Variants in CATSPER3 observed in about 807,000 individuals in gnomAD.
The protein encoded by CATSPER3 is cation channel sperm-associated protein 3.
Under a neutral mutation model 36.6 loss-of-function variants are expected in CATSPER3, and 23 were observed. The ratio of observed to expected loss-of-function variants is 0.63; its 90% CI spans 0.45 to 0.89. The LOEUF is 0.89. Among genes scored for constraint, CATSPER3 ranks in the 40% least tolerant of loss-of-function variants. The pLI is 0.00. For synonymous variants in CATSPER3, 172 were observed against 184.1 expected (o/e 0.93, Z 0.53); for missense variants, 474 against 503.9 (o/e 0.94, Z 0.57).
At chr5:134,977,142 C>G (rs1256421952) in intron 2 of CATSPER3, among the ~76,000 whole-genome samples, 7 of 152,210 alleles carry the variant, frequency 4.6e-5, no homozygotes, top group Admixed American at 1.3e-4. Flanking sequence ...TCTAGCAAGT[C>G]ATTGCTTCAT....
At chr5:134,986,057 T>A (rs1180900583) in intron 2 of CATSPER3, among the ~76,000 whole-genome samples, 1 of 151,920 alleles carries the variant, frequency 6.6e-6, no homozygotes, top group Admixed American at 6.6e-5. Context: ...ATACATAAAA[T>A]TAGACAAAGT....
chr5:134,977,555 C>T (rs1182243670), intron 2 of CATSPER3, among the ~76,000 whole-genome samples: 2 of 152,156 alleles, frequency 1.3e-5, no homozygotes, highest in Non-Finnish European at 2.9e-5. Flanking sequence ...TTGGTCACAA[C>T]CATTTAACCA....
At chr5:135,002,072 A>G (rs1043242045) in intron 3 of CATSPER3, among the ~76,000 whole-genome samples, 1 of 151,272 alleles carries the variant, frequency 6.6e-6, no homozygotes, top group African/African-American at 2.4e-5. Context: ...GGTCTTTACA[A>G]TTTGGCATGT....
chr5:135,011,117 C>T (rs924042841), intron 7 of CATSPER3, among the ~76,000 whole-genome samples: 1 of 152,206 alleles, frequency 6.6e-6, no homozygotes, highest in Non-Finnish European at 1.5e-5. Context: ...TAGGGAGCTA[C>T]AGTGGACTCT....
At chr5:134,995,044 C>T (rs1311560446) in intron 2 of CATSPER3, among the ~76,000 whole-genome samples, 1 of 151,122 alleles carries the variant, frequency 6.6e-6, no homozygotes, top group Non-Finnish European at 1.5e-5. Flanking sequence ...TCCTTCCTTC[C>T]AATACATATT....
chr5:135,004,822 G>C (rs1752065111), intron 3 of CATSPER3, among the ~76,000 whole-genome samples: 1 of 152,152 alleles, frequency 6.6e-6, no homozygotes. Context: ...CTGTGCCTGT[G>C]AAAACAGGGG....
At chr5:134,999,141 G>A (rs1336367259) in intron 3 of CATSPER3, among the ~76,000 whole-genome samples, 3 of 152,044 alleles carry the variant, frequency 2.0e-5, no homozygotes. Context: ...TGGCTAGCCA[G>A]TTTTCCCAGC....
chr5:134,989,485 C>T (rs958247841), intron 2 of CATSPER3, among the ~76,000 whole-genome samples: 3 of 152,214 alleles, frequency 2.0e-5, no homozygotes, highest in South Asian at 2.1e-4. Context: ...CGGGATAAGG[C>T]GTTGCAGCTT....
At chr5:135,000,697 T>A (rs1334903741) in intron 3 of CATSPER3, among the ~76,000 whole-genome samples, 1 of 152,228 alleles carries the variant, frequency 6.6e-6, no homozygotes, top group African/African-American at 2.4e-5. Context: ...GATTTTCTAG[T>A]TTATTTGTGT....
rs763721135 is a variant in CATSPER3, at chr5:134,968,100, T to C, written c.98+11T>C. On this transcript the variant is annotated intron_variant, in intron 1 of 7. Coordinates refer to ENST00000282611, the MANE Select transcript of CATSPER3 (RefSeq NM_178019.3). ...ATTCAAGAAATTTAAGTAAATATTA[T>C]CTATCTCCATTGCCTGTTAAGAAAT... is the stretch of plus-strand genomic sequence containing the variant. 3.9e-6 allele frequency: 6 copies of C among 1,551,808 alleles called. No individual in the cohort carries two copies. The African/African-American group carries it at 4.1e-5, about 11-fold the overall frequency.
chr5:135,006,954 C>CAT (rs1752096503), intron 3 of CATSPER3, among the ~76,000 whole-genome samples: 2 of 152,212 alleles, frequency 1.3e-5, no homozygotes, highest in Admixed American at 6.5e-5. Context: ...TGTGCATTCA[C>CAT]CCCTGCAGGC....
chr5:134,996,069 G>A (rs561841307), intron 2 of CATSPER3, among the ~76,000 whole-genome samples: 1 of 152,362 alleles, frequency 6.6e-6, no homozygotes, highest in South Asian at 2.1e-4. Flanking sequence ...AGCCCCAGGT[G>A]TAGGGCCACG....
At chr5:135,006,847 A>T (rs1752094480) in intron 3 of CATSPER3, among the ~76,000 whole-genome samples, 1 of 113,578 alleles carries the variant, frequency 8.8e-6, no homozygotes, top group Admixed American at 1.0e-4. Context: ...AAAAAAAAAA[A>T]AAATAATAAT....
At chr5:135,003,393 G>A (rs532995153) in intron 3 of CATSPER3, among the ~76,000 whole-genome samples, 3 of 152,290 alleles carry the variant, frequency 2.0e-5, no homozygotes, top group African/African-American at 4.8e-5. Context: ...TAGGCTACTC[G>A]GGGATCAGGG....
intron 1 of CATSPER3, chr5:134,969,342 A>C (rs541148596): frequency 1.2e-5 from 2 of 160,952 alleles, no homozygotes; most frequent in South Asian, 1.8e-4. Flanking sequence ...ATCTTATCAC[A>C]TTTAAGTCAT....
chr5:135,011,495 T>C, intron 7 of CATSPER3, 26 bp from the exon 8 acceptor site: 1 of 1,579,518 alleles, frequency 6.3e-7, no homozygotes, highest in African/African-American at 1.3e-5. Flanking sequence ...ACCTCAGATC[T>C]TATCTCCTCC....
At chr5:134,980,378 C>CTCCCTCCTTCCCTCCT (rs1212254213) in intron 2 of CATSPER3, among the ~76,000 whole-genome samples, 1 of 148,408 alleles carries the variant, frequency 6.7e-6, no homozygotes, top group African/African-American at 2.5e-5. Context: ...CCTTCCTTCC[C>CTCCCTCCTTCCCTCCT]TCCCTCCTTC....
At chr5:134,976,341 C>T (rs1376177211) in intron 2 of CATSPER3, among the ~76,000 whole-genome samples, 1 of 151,058 alleles carries the variant, frequency 6.6e-6, no homozygotes, top group Non-Finnish European at 1.5e-5. Context: ...AAACAAAACC[C>T]CACCCCACCC....
rs1752115651 is a variant in CATSPER3, at chr5:135,008,157, A to T, written c.675+18A>T. On this transcript the variant is annotated intron_variant, in intron 4 of 7. Transcript: ENST00000282611. ...TGGCCACGGTACTGTGTTTGGGAACAGTGGTGAGGGCAGGGGCCTTAGGAA... is the reference window on the plus strand; with the variant it reads ...TGGCCACGGTACTGTGTTTGGGAACTGTGGTGAGGGCAGGGGCCTTAGGAA... The T allele has an allele frequency of 2.5e-6, 4 of 1,609,818 alleles. No homozygotes were observed. The highest frequency in any genetic ancestry group is 3.4e-6 in the Non-Finnish European group (4 of 1,176,268).
Sources: allele counts gnomAD v4.1 joint callset (sites outside exome capture counted in the v4.1 genomes callset), GRCh38; gene constraint gnomAD v4.1.1; transcripts MANE v1.5; gene names NCBI Gene and HGNC (gene_info 2026-07-23, HGNC 2026-07-21).